Variants in DGKI observed in about 807,000 individuals in gnomAD.
The protein encoded by DGKI is DAG kinase iota.
DGKI carries 55 observed loss-of-function variants against 147.5 expected under a neutral mutation model. That is an observed-to-expected ratio of 0.37 (90% confidence interval 0.30 to 0.47). The LOEUF (loss-of-function observed/expected upper bound fraction) is 0.47, where lower values mean the gene tolerates loss of function less well. DGKI is among the 20% of genes least tolerant of loss of function. DGKI has a pLI of 1.00. For missense variants in DGKI, 1,007 were observed against 1,323.8 expected (o/e 0.76, Z 3.71); for synonymous variants, 469 against 477.1 (o/e 0.98, Z 0.22).
At chr7:137,584,643 C>T (rs943120553) in intron 14 of DGKI, among the ~76,000 whole-genome samples, 1 of 152,160 alleles carries the variant, frequency 6.6e-6, no homozygotes, top group African/African-American at 2.4e-5. Context: ...ACCTCAGCAT[C>T]ATATAATATA....
intron 1 of DGKI, among the ~76,000 whole-genome samples, chr7:137,721,041 T>C (rs1208112828): frequency 6.6e-6 from 1 of 152,174 alleles, no homozygotes; most frequent in Non-Finnish European, 1.5e-5. Context: ...TAACAACCTA[T>C]CTTGGCAACC....
intron 1 of DGKI, among the ~76,000 whole-genome samples, chr7:137,700,407 G>C (rs560628227): frequency 6.6e-6 from 1 of 152,296 alleles, no homozygotes; most frequent in African/African-American, 2.4e-5. Context: ...TGAACTGAAA[G>C]TAGTATCAAA....
At chr7:137,480,647 G>GA (rs1209609378) in intron 23 of DGKI, among the ~76,000 whole-genome samples, 1 of 151,890 alleles carries the variant, frequency 6.6e-6, no homozygotes. Flanking sequence ...CCTGAAGAAT[G>GA]AAAAGGCTTT....
chr7:137,422,513 C>T (rs754071406), intron 28 of DGKI, among the ~76,000 whole-genome samples: 14 of 149,822 alleles, frequency 9.3e-5, no homozygotes, highest in South Asian at 2.1e-4. Flanking sequence ...ATCCTATTTA[C>T]GGTTTTGTTA....
intron 20 of DGKI, among the ~76,000 whole-genome samples, chr7:137,541,657 A>C (rs1257366354): frequency 1.3e-5 from 2 of 152,190 alleles, no homozygotes; most frequent in Non-Finnish European, 2.9e-5. Flanking sequence ...ATTCAATAGG[A>C]AAAGATAATT....
At chr7:137,439,727 T>A (rs1201670897) in intron 28 of DGKI, among the ~76,000 whole-genome samples, 10 of 152,214 alleles carry the variant, frequency 6.6e-5, no homozygotes, top group Non-Finnish European at 1.2e-4. Context: ...ATTGTGGTTG[T>A]GACAATTTTA....
At chr7:137,639,717 C>T (rs920477052) in intron 6 of DGKI, among the ~76,000 whole-genome samples, 5 of 152,002 alleles carry the variant, frequency 3.3e-5, no homozygotes, top group African/African-American at 7.3e-5. Flanking sequence ...GTATTTGCTG[C>T]GATGACCAGG....
At chr7:137,534,854 A>G (rs570695170) in intron 20 of DGKI, among the ~76,000 whole-genome samples, 93 of 152,244 alleles carry the variant, frequency 6.1e-4, no homozygotes, top group African/African-American at 2.2e-3. Context: ...TGTATTTGGA[A>G]ACAGGGTCTT....
Position 137,386,521 on chromosome 7 carries a change from A to G in DGKI, c.*4699T>C, listed in dbSNP as rs569573891. On this transcript the variant is annotated 3_prime_UTR_variant, in exon 33 of 33. Coordinates refer to ENST00000614521, the MANE Select transcript of DGKI (RefSeq NM_001321708.2). ...TCCATGTGTCCTTTGAGTAAAAGGT[A>G]TACTTGTCCCAGAGGGTAATTTCAT... 1.6e-4 allele frequency: 25 copies of G among 152,312 alleles called. No individual in the cohort carries two copies. In the East Asian group the frequency reaches 4.8e-3, roughly 29 times the overall value. The allele number at this position is 152,312 out of a possible 1,614,324, so 9.4% of individuals were successfully genotyped here. A position where few individuals can be genotyped will look rare whatever the true frequency, so the allele number is the denominator to read the frequency against.
At chr7:137,822,681 G>T (rs1264938503) in intron 1 of DGKI, among the ~76,000 whole-genome samples, 1 of 151,946 alleles carries the variant, frequency 6.6e-6, no homozygotes, top group Admixed American at 6.6e-5. Context: ...CTATCAGCAT[G>T]AAGAGAAGAA....
At chr7:137,753,043 C>CAT (rs1382619570) in intron 1 of DGKI, among the ~76,000 whole-genome samples, 1 of 111,348 alleles carries the variant, frequency 9.0e-6, no homozygotes, top group Non-Finnish European at 1.6e-5. Flanking sequence ...TACGAATGTA[C>CAT]ATACACACAC....
At chr7:137,654,704 A>C (rs777040223) in intron 5 of DGKI, 28 bp downstream of exon 5, 1 of 1,481,404 alleles carries the variant, frequency 6.8e-7, no homozygotes, top group Non-Finnish European at 9.4e-7. Context: ...CAAAGGTGAT[A>C]CTTGAAATCA....
intron 12 of DGKI, among the ~76,000 whole-genome samples, chr7:137,588,003 G>C (rs1475995708): frequency 6.6e-6 from 1 of 152,172 alleles, no homozygotes; most frequent in Non-Finnish European, 1.5e-5. Context: ...GAGTTTGAAT[G>C]TCCTTATAAT....
chr7:137,572,684 T>A, intron 18 of DGKI, 81 bp downstream of exon 18: 1 of 954,080 alleles, frequency 1.0e-6, no homozygotes. Context: ...TGTTTACATC[T>A]GAAACTTTTC....
intron 15 of DGKI, among the ~76,000 whole-genome samples, chr7:137,579,368 T>C (rs959106557): frequency 6.7e-6 from 1 of 148,698 alleles, no homozygotes; most frequent in African/African-American, 2.5e-5. Flanking sequence ...TTTTCTTCTA[T>C]AGCTTAGCTT....
intron 21 of DGKI, among the ~76,000 whole-genome samples, chr7:137,519,405 C>T (rs995755080): frequency 6.6e-6 from 1 of 152,028 alleles, no homozygotes; most frequent in African/African-American, 2.4e-5. Flanking sequence ...GAAGATATCA[C>T]TTGGCACACC....
At chr7:137,837,076 A>T (rs1035196839) in intron 1 of DGKI, among the ~76,000 whole-genome samples, 3 of 152,236 alleles carry the variant, frequency 2.0e-5, no homozygotes, top group Non-Finnish European at 4.4e-5. Flanking sequence ...CACAGATCTT[A>T]ACTCTGCCAC....
intron 6 of DGKI, among the ~76,000 whole-genome samples, chr7:137,625,787 T>G (rs1009569450): frequency 1.3e-5 from 2 of 151,316 alleles, no homozygotes; most frequent in Admixed American, 6.6e-5. Context: ...TTTGCACCAA[T>G]GTACATTTTG....
chr7:137,638,615 C>CATATATGTATATATGTGTATAT (rs1383387447), intron 6 of DGKI, among the ~76,000 whole-genome samples: 3 of 8,228 alleles, frequency 3.6e-4, no homozygotes, highest in African/African-American at 8.8e-4. Context: ...TATATATACA[C>CATATATGTATATATGTGTATAT]ACACACATAT....
Sources: allele counts gnomAD v4.1 joint callset (sites outside exome capture counted in the v4.1 genomes callset), GRCh38; gene constraint gnomAD v4.1.1; transcripts MANE v1.5; gene names NCBI Gene and HGNC (gene_info 2026-07-23, HGNC 2026-07-21).